The following CPS1 variants were observed in gnomAD, a reference collection of about 807,000 sequenced individuals.
CPS1 encodes carbamoyl-phosphate synthase [ammonia], mitochondrial.
Under a neutral mutation model 174.6 loss-of-function variants are expected in CPS1, and 109 were observed. The observed-to-expected ratio is 0.62, with a 90% CI of 0.53 to 0.73. CPS1 has a LOEUF of 0.73. Ranked by LOEUF, CPS1 falls within the 30% of genes least tolerant of loss-of-function variation. The probability of loss-of-function intolerance (pLI) is 0.00; values close to 1 mark genes in which losing one functional copy is unlikely to be tolerated. For missense variants in CPS1, 1,689 were observed against 1,821.9 expected, an observed-to-expected ratio of 0.93 and a Z score of 1.33; for synonymous variants, 637 against 632.0, an observed-to-expected ratio of 1.01 and a Z score of -0.12.
intron 28 of CPS1, among the ~76,000 whole-genome samples, chr2:210,653,594 A>T (rs1421802076): frequency 6.6e-6 from 1 of 152,214 alleles, no homozygotes; most frequent in African/African-American, 2.4e-5. Flanking sequence ...GAGAAATATG[A>T]TTTAGGGAGT....
At chr2:210,649,614 T>G (rs760024922) in intron 27 of CPS1, among the ~76,000 whole-genome samples, 11 of 152,226 alleles carry the variant, frequency 7.2e-5, no homozygotes, top group Non-Finnish European at 1.3e-4. Context: ...ATTTGCCAAT[T>G]AAAAATACAT....
intron 16 of CPS1, among the ~76,000 whole-genome samples, chr2:210,604,094 A>G (rs1181639189): frequency 6.6e-6 from 1 of 151,836 alleles, no homozygotes; most frequent in Non-Finnish European, 1.5e-5. Context: ...ATCATTATTA[A>G]ATTGTTAACA....
intron 7 of CPS1, among the ~76,000 whole-genome samples, chr2:210,589,112 A>C (rs1357175802): frequency 1.3e-5 from 2 of 152,046 alleles, no homozygotes; most frequent in Non-Finnish European, 2.9e-5. Context: ...CCTTTGTCCC[A>C]TGGATAGGCA....
intron 1 of CPS1, among the ~76,000 whole-genome samples, chr2:210,564,847 C>T (rs1161570882): frequency 6.6e-6 from 1 of 151,898 alleles, no homozygotes; most frequent in Non-Finnish European, 1.5e-5. Context: ...ACAAAATTAG[C>T]TGGGTGTGGT....
chr2:210,666,540 C>T (rs755938580), intron 33 of CPS1, among the ~76,000 whole-genome samples: 7 of 152,196 alleles, frequency 4.6e-5, no homozygotes, highest in East Asian at 1.9e-4. Context: ...CAGCTTTCTA[C>T]GTATGGTTAG....
chr2:210,666,952 C>T (rs374442801), intron 33 of CPS1, among the ~76,000 whole-genome samples: 2 of 152,116 alleles, frequency 1.3e-5, no homozygotes, highest in Non-Finnish European at 2.9e-5. Context: ...ATTCTTCCTA[C>T]CCATGAGCAT....
chr2:210,593,411 G>C (rs375834668), intron 11 of CPS1: 6 of 1,060,416 alleles, frequency 5.7e-6, no homozygotes, highest in Non-Finnish European at 6.9e-6. Flanking sequence ...TGTTGGAGGG[G>C]AGAGAGGGCA....
chr2:210,569,145 C>T lies in CPS1; in HGVS notation c.127-4153C>T, dbSNP rs572135821. ...GCTGGAGGTGCACTAGTGCAAGAAG[C>T]AGACCCAATACTCTGCCTGCATGAA... On this transcript the variant is annotated intron_variant, in intron 1 of 37. Coordinates refer to ENST00000233072, the MANE Select transcript of CPS1 (RefSeq NM_001875.5). Among the ~76,000 whole-genome samples the T allele has an allele frequency of 9.2e-5, 14 of 152,032 alleles. No homozygotes were observed. The East Asian group carries it at 1.7e-3, about 19-fold the overall frequency.
chr2:210,621,838 C>T (rs1023503217), intron 21 of CPS1, among the ~76,000 whole-genome samples: 1 of 151,990 alleles, frequency 6.6e-6, no homozygotes, highest in African/African-American at 2.4e-5. Context: ...TTCTGAATGC[C>T]TTCCAAGGGT....
chr2:210,506,593 A>C (rs1695294905), intron 1 of CPS1, among the ~76,000 whole-genome samples: 2 of 151,298 alleles, frequency 1.3e-5, no homozygotes. Context: ...TAAAGGAGGA[A>C]GTTCGAACCC....
chr2:210,609,245 G>A (rs2105854059), intron 19 of CPS1, among the ~76,000 whole-genome samples: 1 of 152,046 alleles, frequency 6.6e-6, no homozygotes, highest in East Asian at 1.9e-4. Flanking sequence ...TCTTCTGTGT[G>A]AGAGGAAAGA....
chr2:210,592,338 A>G (rs954449147), intron 10 of CPS1, among the ~76,000 whole-genome samples: 4 of 151,990 alleles, frequency 2.6e-5, no homozygotes, highest in Admixed American at 6.6e-5. Flanking sequence ...TCTGTGTTTT[A>G]AAACGTCATT....
chr2:210,577,391 C>G (rs373095049), intron 3 of CPS1, 30 bp from the exon 4 acceptor site: 8 of 1,535,212 alleles, frequency 5.2e-6, no homozygotes, highest in Non-Finnish European at 7.2e-6. Context: ...CTTGTGATAA[C>G]CTCTTTAAAA....
At chr2:210,584,859 C>T (rs1698054635) in intron 6 of CPS1, among the ~76,000 whole-genome samples, 1 of 152,028 alleles carries the variant, frequency 6.6e-6, no homozygotes. Context: ...CTCTTCAAGA[C>T]TCCCTGTGAA....
intron 4 of CPS1, among the ~76,000 whole-genome samples, chr2:210,578,597 T>C (rs1218574353): frequency 6.6e-6 from 1 of 152,134 alleles, no homozygotes; most frequent in African/African-American, 2.4e-5. Context: ...CCAATGAGTG[T>C]CTATCTATGG....
At chr2:210,645,854 G>A (rs1468798027) in intron 25 of CPS1, among the ~76,000 whole-genome samples, 1 of 152,138 alleles carries the variant, frequency 6.6e-6, no homozygotes, top group African/African-American at 2.4e-5. Context: ...GTAAAATGGG[G>A]ACAGTAATAA....
chr2:210,594,735 C>G (rs1298423943), intron 12 of CPS1, 129 bp downstream of exon 12: 2 of 704,228 alleles, frequency 2.8e-6, no homozygotes, highest in Admixed American at 4.4e-5. Context: ...TTGTAATAGA[C>G]TGTCATTTTG....
intron 33 of CPS1, among the ~76,000 whole-genome samples, chr2:210,666,738 T>G (rs1338919964): frequency 6.6e-6 from 1 of 152,154 alleles, no homozygotes; most frequent in Non-Finnish European, 1.5e-5. Context: ...AGTCTTATAG[T>G]GTAGTTTGAA....
intron 1 of CPS1, among the ~76,000 whole-genome samples, chr2:210,572,567 A>G (rs1005214761): frequency 2.0e-5 from 3 of 152,066 alleles, no homozygotes; most frequent in Admixed American, 6.6e-5. Flanking sequence ...TTAGCTAAGA[A>G]TTTGGTAGAC....
Sources: gnomAD v4.1 joint callset for allele counts (sites outside exome capture counted in the v4.1 genomes callset) on GRCh38, gnomAD v4.1.1 for gene constraint, MANE v1.5 for transcripts, NCBI Gene and HGNC (gene_info 2026-07-23, HGNC 2026-07-21) for gene names.